The following GAS2 variants were observed in gnomAD, a reference collection of about 807,000 sequenced individuals.
GAS2 encodes growth arrest-specific protein 2.
Under a neutral mutation model 37.5 loss-of-function variants are expected in GAS2, and 20 were observed. That is an observed-to-expected ratio of 0.53 (90% CI 0.37 to 0.77). The LOEUF (loss-of-function observed/expected upper bound fraction) is 0.77, where lower values mean the gene tolerates loss of function less well. Ranked by LOEUF, GAS2 falls within the 30% of genes least tolerant of loss-of-function variation. The pLI is 0.00. For synonymous variants in GAS2, 144 were observed against 132.2 expected, an observed-to-expected ratio of 1.09 and a Z score of -0.61; for missense variants, 336 against 373.4, an observed-to-expected ratio of 0.90 and a Z score of 0.82.
intron 5 of GAS2, among the ~76,000 whole-genome samples, chr11:22,742,778 C>T (rs989989660): frequency 3.3e-5 from 5 of 151,938 alleles, no homozygotes; most frequent in Admixed American, 2.6e-4. Context: ...TGTTGTTACT[C>T]GAACATAAGT....
intron 7 of GAS2, among the ~76,000 whole-genome samples, chr11:22,763,033 AT>A (rs1854481717): frequency 6.6e-6 from 1 of 152,156 alleles, no homozygotes; most frequent in South Asian, 2.1e-4. Flanking sequence ...GCTTAAGGGT[AT>A]TTTTCTAGTT....
intron 7 of GAS2, among the ~76,000 whole-genome samples, chr11:22,784,741 C>T (rs540358893): frequency 4.6e-5 from 7 of 152,284 alleles, no homozygotes; most frequent in Admixed American, 1.3e-4. Context: ...AATATGTTCT[C>T]ATAAGTAGCC....
At chr11:22,791,317 C>T (rs1856150472) in intron 7 of GAS2, among the ~76,000 whole-genome samples, 1 of 152,108 alleles carries the variant, frequency 6.6e-6, no homozygotes, top group African/African-American at 2.4e-5. Flanking sequence ...CTTTTAGGTG[C>T]TGACATCAGA....
At chr11:22,684,346 G>A (rs575178961) in intron 2 of GAS2, among the ~76,000 whole-genome samples, 8 of 152,296 alleles carry the variant, frequency 5.3e-5, no homozygotes, top group Admixed American at 4.6e-4. Flanking sequence ...TTAGCAGTGA[G>A]CATGGTATGT....
At chr11:22,649,610 A>G (rs569540092) in intron 1 of GAS2, among the ~76,000 whole-genome samples, 1 of 152,300 alleles carries the variant, frequency 6.6e-6, no homozygotes, top group Non-Finnish European at 1.5e-5. Context: ...TTATTGATCT[A>G]TTCAGAGATT....
At chr11:22,753,171 G>T (rs1853840153) in intron 6 of GAS2, among the ~76,000 whole-genome samples, 1 of 152,012 alleles carries the variant, frequency 6.6e-6, no homozygotes, top group South Asian at 2.1e-4. Context: ...AACTGGCTGG[G>T]TTCCTAGCCA....
intron 3 of GAS2, among the ~76,000 whole-genome samples, chr11:22,696,445 T>C (rs1850520914): frequency 1.3e-5 from 2 of 152,074 alleles, no homozygotes; most frequent in African/African-American, 2.4e-5. Context: ...TATAGTCCTT[T>C]GGGTATATAC....
chr11:22,790,430 C>G (rs1303900288), intron 7 of GAS2, among the ~76,000 whole-genome samples: 1 of 152,174 alleles, frequency 6.6e-6, no homozygotes, highest in African/African-American at 2.4e-5. Flanking sequence ...CCCTCTGCAC[C>G]TGATTTCCCT....
At chr11:22,689,522 T>A (rs1407016209) in intron 3 of GAS2, among the ~76,000 whole-genome samples, 1 of 152,152 alleles carries the variant, frequency 6.6e-6, no homozygotes, top group African/African-American at 2.4e-5. Context: ...TATAGTAAAA[T>A]TTTAAAAGAT....
At chr11:22,732,820 C>A (rs1415438690) in intron 4 of GAS2, among the ~76,000 whole-genome samples, 2 of 151,076 alleles carry the variant, frequency 1.3e-5, no homozygotes, top group Non-Finnish European at 3.0e-5. Context: ...ATCACCACCA[C>A]CATTGCTATC....
intron 6 of GAS2, among the ~76,000 whole-genome samples, chr11:22,751,341 G>A (rs1435393670): frequency 6.6e-6 from 1 of 151,810 alleles, no homozygotes; most frequent in Non-Finnish European, 1.5e-5. Context: ...AGATTTTTCT[G>A]GTATCTCTCA....
chr11:22,765,501 C>CG (rs1418448788), intron 7 of GAS2, among the ~76,000 whole-genome samples: 1 of 152,030 alleles, frequency 6.6e-6, no homozygotes, highest in Admixed American at 6.5e-5. Context: ...TGAGATTGGC[C>CG]GGGGGCAGTG....
In GAS2 at chr11:22,660,682, T is replaced by C. The variant is rs568752545; in HGVS notation, c.-20-14168T>C. ...TGTAGTGACTACGATATTACAAATT[T>C]ACTATGCCTATTCCTTGACAGCCTC... On this transcript the variant is annotated intron_variant, in intron 1 of 5. Coordinates refer to the GAS2 transcript ENST00000528582. 7.2e-5 allele frequency among the ~76,000 whole-genome samples: 11 copies of C among 152,350 alleles called. No individual in the cohort carries two copies. In the South Asian group the frequency reaches 2.3e-3, roughly 32 times the overall value.
intron 3 of GAS2, among the ~76,000 whole-genome samples, chr11:22,690,835 A>G (rs529713834): frequency 3.9e-5 from 6 of 152,232 alleles, no homozygotes; most frequent in South Asian, 2.1e-4. Flanking sequence ...ATAGTGTTCC[A>G]CAGTACAAAC....
chr11:22,794,049 T>C (rs1405838695), intron 7 of GAS2, among the ~76,000 whole-genome samples: 1 of 152,172 alleles, frequency 6.6e-6, no homozygotes, highest in South Asian at 2.1e-4. Context: ...TATAGTGAAT[T>C]GTATGACAGC....
chr11:22,775,278 T>C (rs1372173779), intron 7 of GAS2, among the ~76,000 whole-genome samples: 3 of 152,128 alleles, frequency 2.0e-5, no homozygotes, highest in African/African-American at 7.2e-5. Context: ...CATTCCACCG[T>C]TTTGGCTTGG....
At chr11:22,645,871 T>G (rs2133823502) in intron 1 of GAS2, among the ~76,000 whole-genome samples, 1 of 151,270 alleles carries the variant, frequency 6.6e-6, no homozygotes, top group South Asian at 2.1e-4. Flanking sequence ...GAGACGGAGT[T>G]TTGCTCTTCT....
intron 4 of GAS2, among the ~76,000 whole-genome samples, chr11:22,736,866 T>C (rs1034031030): frequency 4.6e-5 from 7 of 152,090 alleles, no homozygotes; most frequent in African/African-American, 7.2e-5. Context: ...TAAAAGAACA[T>C]TGTAAAAATC....
At chr11:22,732,048 A>G (rs1852504095) in intron 4 of GAS2, among the ~76,000 whole-genome samples, 1 of 151,744 alleles carries the variant, frequency 6.6e-6, no homozygotes, top group Non-Finnish European at 1.5e-5. Context: ...ATGTTACACA[A>G]CTTTTAAATG....
Sources: gnomAD v4.1 joint callset for allele counts (sites outside exome capture counted in the v4.1 genomes callset) on GRCh38, gnomAD v4.1.1 for gene constraint, MANE v1.5 for transcripts, NCBI Gene and HGNC (gene_info 2026-07-23, HGNC 2026-07-21) for gene names.